HCFC2: variants seen among roughly 807,000 people sequenced by gnomAD.
The protein encoded by HCFC2 is host cell factor 2.
HCFC2 carries 18 observed loss-of-function variants against 89.2 expected under a neutral mutation model. That is an observed-to-expected ratio of 0.20 (90% CI 0.14 to 0.30). The LOEUF (loss-of-function observed/expected upper bound fraction) is 0.30. Among genes scored for constraint, HCFC2 ranks in the 10% least tolerant of loss-of-function variants. The pLI, the probability that HCFC2 is intolerant of heterozygous loss-of-function variation, is 1.00. For synonymous variants in HCFC2, 308 were observed against 335.7 expected, an observed-to-expected ratio of 0.92 and a Z score of 0.90; for missense variants, 578 against 956.1, an observed-to-expected ratio of 0.60 and a Z score of 5.21.
chr12:104,072,445 C>T (rs1883350350), intron 3 of HCFC2, among the ~76,000 whole-genome samples: 1 of 151,390 alleles, frequency 6.6e-6, no homozygotes, highest in South Asian at 2.1e-4. Context: ...GATTATATAT[C>T]AGTTTGAGGA....
intron 7 of HCFC2, among the ~76,000 whole-genome samples, chr12:104,085,836 A>G (rs1364046565): frequency 6.6e-6 from 1 of 151,896 alleles, no homozygotes; most frequent in East Asian, 1.9e-4. Flanking sequence ...CTTGCTTTAC[A>G]AGCATTTATT....
rs1315146935 is a variant in HCFC2, at chr12:104,104,439, C to T, written c.*1166C>T. On this transcript the variant is annotated 3_prime_UTR_variant, in exon 15 of 15. Transcript: ENST00000229330. ...TTTTAGGAATTTCATGGTTCCACTG[C>T]CTATTTAAATCTGGAATTAATATAC... is the stretch of plus-strand genomic sequence containing the variant. 1.3e-5 allele frequency: 2 copies of T among 151,944 alleles called. No homozygotes were observed. Among genetic ancestry groups the T allele is most frequent in the Non-Finnish European group, 2.9e-5 (2 of 67,874 alleles). 9.4% of individuals were successfully genotyped at this position (151,944 alleles called of 1,614,324 possible).
intron 5 of HCFC2, 41 bp downstream of exon 5, chr12:104,080,871 A>G (rs771007537): frequency 7.8e-7 from 1 of 1,280,374 alleles, no homozygotes; most frequent in South Asian, 1.3e-5. Context: ...TTTTTTTAAA[A>G]AAACAACTTA....
At chr12:104,091,618 A>C (rs543808883) in intron 9 of HCFC2, among the ~76,000 whole-genome samples, 4 of 152,330 alleles carry the variant, frequency 2.6e-5, no homozygotes, top group Middle Eastern at 3.4e-3. Context: ...CTCAAGATTT[A>C]TTTATACTTA....
At chr12:104,092,495 A>G (rs756347659) in intron 9 of HCFC2, among the ~76,000 whole-genome samples, 10 of 152,044 alleles carry the variant, frequency 6.6e-5, no homozygotes, top group Non-Finnish European at 1.3e-4. Flanking sequence ...TTTTTAGGCC[A>G]GGCGCTGTGG....
At chr12:104,097,602 A>G in intron 12 of HCFC2, 1 of 899,882 alleles carries the variant, frequency 1.1e-6, no homozygotes, top group African/African-American at 1.8e-5. Flanking sequence ...CTGCTGTTAT[A>G]TATTTAAGAC....
intron 3 of HCFC2, among the ~76,000 whole-genome samples, chr12:104,075,699 G>T (rs894659241): frequency 2.0e-5 from 3 of 152,070 alleles, no homozygotes; most frequent in Non-Finnish European, 4.4e-5. Flanking sequence ...GCCTCAAGCA[G>T]TCCTCCTACC....
chr12:104,096,877 G>A (rs143707365), intron 12 of HCFC2, among the ~76,000 whole-genome samples: 99 of 152,266 alleles, frequency 6.5e-4, no homozygotes, highest in Middle Eastern at 3.4e-3. Context: ...AAGATAAGGT[G>A]TGTTATGGAA....
At chr12:104,089,079 T>G (rs1469316789) in intron 9 of HCFC2, among the ~76,000 whole-genome samples, 2 of 152,218 alleles carry the variant, frequency 1.3e-5, no homozygotes, top group Non-Finnish European at 2.9e-5. Flanking sequence ...AGTCTCACAG[T>G]TGGCCCTGTG....
intron 3 of HCFC2, among the ~76,000 whole-genome samples, chr12:104,072,414 G>T (rs1193527272): frequency 1.3e-5 from 2 of 151,854 alleles, no homozygotes; most frequent in Non-Finnish European, 2.9e-5. Context: ...GGCTTACTGG[G>T]ATTTTGATAG....
intron 3 of HCFC2, among the ~76,000 whole-genome samples, chr12:104,074,559 G>A (rs1883436474): frequency 2.0e-5 from 3 of 152,214 alleles, no homozygotes; most frequent in Middle Eastern, 3.4e-3. Context: ...AGCTTACTGT[G>A]TCTCTCCTTT....
chr12:104,097,306 T>A (rs1033787200), intron 12 of HCFC2, among the ~76,000 whole-genome samples: 3 of 152,160 alleles, frequency 2.0e-5, no homozygotes, highest in Admixed American at 6.5e-5. Context: ...TTCCAGAATG[T>A]TAAGTTCTAG....
chr12:104,079,726 G>C lies in HCFC2; in HGVS notation c.682+73G>C, dbSNP rs1883622096. 2.6e-6 allele frequency: 3 copies of C among 1,133,022 alleles called. No homozygotes were observed. The Admixed American group carries it at 5.3e-5, about 20-fold the overall frequency. The allele number at this position is 1,133,022 out of a possible 1,614,324, so 70.2% of individuals were successfully genotyped here. ...GCTTTGAAAAATATTATTGATTGCA[G>C]TATTTATTGAGTTGTACTTAGATTT... On this transcript the variant is annotated intron_variant, in intron 4 of 14. Coordinates refer to ENST00000229330, the MANE Select transcript of HCFC2 (RefSeq NM_013320.3).
At chr12:104,075,057 C>A (rs2629796) in intron 3 of HCFC2, among the ~76,000 whole-genome samples, 1 of 151,324 alleles carries the variant, frequency 6.6e-6, no homozygotes, top group Non-Finnish European at 1.5e-5. Flanking sequence ...AAATTTATTT[C>A]TAAAAGTTAT....
intron 9 of HCFC2, among the ~76,000 whole-genome samples, chr12:104,089,393 G>A (rs1477424465): frequency 6.6e-6 from 1 of 152,124 alleles, no homozygotes; most frequent in Non-Finnish European, 1.5e-5. Context: ...GCGGGTGCCT[G>A]TAGTCCCAGC....
At chr12:104,098,828 G>A (rs962043387) in intron 13 of HCFC2, among the ~76,000 whole-genome samples, 2 of 152,100 alleles carry the variant, frequency 1.3e-5, no homozygotes, top group African/African-American at 2.4e-5. Flanking sequence ...GTGAAACCCC[G>A]TCCCTACTAA....
chr12:104,100,294 A>G (rs199809339), intron 13 of HCFC2, among the ~76,000 whole-genome samples: 1 of 152,288 alleles, frequency 6.6e-6, no homozygotes, highest in East Asian at 1.9e-4. Context: ...GGAAAAATTT[A>G]TGAAGGCCAG....
intron 3 of HCFC2, among the ~76,000 whole-genome samples, chr12:104,069,072 G>T (rs1327259535): frequency 1.3e-5 from 2 of 152,034 alleles, no homozygotes; most frequent in African/African-American, 4.8e-5. Context: ...TTGGGAAGCC[G>T]AGGTGGGTGG....
chr12:104,084,385 G>A (rs1188736069), intron 7 of HCFC2, among the ~76,000 whole-genome samples: 1 of 152,134 alleles, frequency 6.6e-6, no homozygotes, highest in African/African-American at 2.4e-5. Context: ...GATGTGATTC[G>A]AATGGTGAGA....
Sources: allele counts gnomAD v4.1 joint callset (sites outside exome capture counted in the v4.1 genomes callset), GRCh38; gene constraint gnomAD v4.1.1; transcripts MANE v1.5; gene names NCBI Gene and HGNC (gene_info 2026-07-23, HGNC 2026-07-21).